TENM2: variants seen among roughly 807,000 people sequenced by gnomAD.
TENM2 encodes the protein teneurin-2.
TENM2 carries 52 observed loss-of-function variants against 245.2 expected under a neutral mutation model. The observed-to-expected ratio is 0.21, with a 90% CI of 0.17 to 0.27. The LOEUF (loss-of-function observed/expected upper bound fraction) is 0.27. TENM2 is among the 10% of genes least tolerant of loss of function. TENM2 has a pLI of 1.00. For missense variants in TENM2, 3,046 were observed against 3,666.8 expected (o/e 0.83, Z 4.37); for synonymous variants, 1,363 against 1,438.9 (o/e 0.95, Z 1.19).
At chr5:167,488,945 G>A (rs1293842731) in intron 2 of TENM2, among the ~76,000 whole-genome samples, 4 of 151,952 alleles carry the variant, frequency 2.6e-5, no homozygotes, top group Admixed American at 2.0e-4. Context: ...CTTGATTTGT[G>A]CCCTGTCTGC....
chr5:167,030,059 G>A, the TENM2 span, among the ~76,000 whole-genome samples: 1,102 of 152,256 alleles, frequency 7.2e-3, 6 homozygotes, highest in Middle Eastern at 0.02. Context: ...ATCCATGATC[G>A]TCAGGGGTCG....
chr5:167,278,030 A>G, the TENM2 span, among the ~76,000 whole-genome samples: 3 of 152,004 alleles, frequency 2.0e-5, no homozygotes, highest in Admixed American at 1.3e-4. Flanking sequence ...TTGGTGGAGC[A>G]TGGTGGCTCA....
chr5:167,920,248 T>C (rs1777248375), intron 3 of TENM2, among the ~76,000 whole-genome samples: 1 of 150,738 alleles, frequency 6.6e-6, no homozygotes, highest in Non-Finnish European at 1.5e-5. Flanking sequence ...TCCCAACACA[T>C]TGGGAGGCCG....
At chr5:167,130,894 T>A in the TENM2 span, among the ~76,000 whole-genome samples, 1 of 147,504 alleles carries the variant, frequency 6.8e-6, no homozygotes, top group Non-Finnish European at 1.5e-5. Context: ...AATGCTTTTT[T>A]TTTTTTTTTT....
chr5:167,507,195 A>G (rs887982167), intron 2 of TENM2, among the ~76,000 whole-genome samples: 1 of 152,220 alleles, frequency 6.6e-6, no homozygotes, highest in Admixed American at 6.5e-5. Context: ...TCAAGGAATC[A>G]AAAGAAAAAA....
At chr5:168,096,081 C>G (rs1793346490) in intron 8 of TENM2, among the ~76,000 whole-genome samples, 1 of 152,142 alleles carries the variant, frequency 6.6e-6, no homozygotes, top group Non-Finnish European at 1.5e-5. Context: ...ATTGTCTTTA[C>G]TATACTGGGT....
In TENM2 at chr5:167,347,188, G is replaced by A. The variant is rs190075256; in HGVS notation, c.227-28010G>A. On this transcript the variant is annotated intron_variant, in intron 1 of 28. Coordinates refer to ENST00000518659, the Ensembl canonical transcript of TENM2. Reference sequence around the variant, plus strand: ...TAAAAAGACCGAATCTTTTTTAATGGATAGTACGCATGCCTGCTCCTTTGC... The same window carrying A: ...TAAAAAGACCGAATCTTTTTTAATGAATAGTACGCATGCCTGCTCCTTTGC... 4.0e-3 allele frequency among the ~76,000 whole-genome samples: 607 copies of A among 151,754 alleles called. 1 individual carries two copies. The highest frequency in any genetic ancestry group is 7.3e-3 in the Non-Finnish European group (495 of 67,942).
At chr5:168,249,095 G>T (rs1423342429) in intron 27 of TENM2, among the ~76,000 whole-genome samples, 1 of 148,586 alleles carries the variant, frequency 6.7e-6, no homozygotes, top group African/African-American at 2.5e-5. Flanking sequence ...ACTCCACCTA[G>T]CCTAGGTGAC....
chr5:167,438,157 G>A (rs751248871), intron 2 of TENM2, among the ~76,000 whole-genome samples: 3 of 151,984 alleles, frequency 2.0e-5, no homozygotes, highest in Admixed American at 2.0e-4. Context: ...CCATCTTTCC[G>A]ACTTTAGTTT....
intron 12 of TENM2, among the ~76,000 whole-genome samples, chr5:168,155,892 T>TAAAAAAAAAAAAAAAAAAA (rs55977607): frequency 2.1e-5 from 2 of 96,930 alleles, no homozygotes; most frequent in African/African-American, 7.3e-5. Context: ...CTGGCATCTG[T>TAAAAAAAAAAAAAAAAAAA]AAAAAAAAAA....
At chr5:167,976,350 A>G (rs1223865502) in intron 4 of TENM2, among the ~76,000 whole-genome samples, 1 of 152,162 alleles carries the variant, frequency 6.6e-6, no homozygotes, top group African/African-American at 2.4e-5. Flanking sequence ...AGAAGGGTAT[A>G]TATATATAAA....
At chr5:167,816,888 A>G (rs1767101144) in intron 2 of TENM2, among the ~76,000 whole-genome samples, 1 of 152,180 alleles carries the variant, frequency 6.6e-6, no homozygotes, top group African/African-American at 2.4e-5. Flanking sequence ...ATTAGTATGT[A>G]CCATGGAAGT....
intron 2 of TENM2, among the ~76,000 whole-genome samples, chr5:167,608,469 G>A (rs1456335795): frequency 6.6e-6 from 1 of 152,190 alleles, no homozygotes; most frequent in Non-Finnish European, 1.5e-5. Flanking sequence ...CTTGGTTGGC[G>A]CAAAGATGAC....
intron 2 of TENM2, among the ~76,000 whole-genome samples, chr5:167,525,660 C>G (rs1771062445): frequency 6.6e-6 from 1 of 152,148 alleles, no homozygotes; most frequent in Non-Finnish European, 1.5e-5. Context: ...TCTTCCATTT[C>G]TATGTGTTCC....
At chr5:168,226,336 G>C in intron 24 of TENM2, 73 bp downstream of exon 26, 1 of 1,430,180 alleles carries the variant, frequency 7.0e-7, no homozygotes, top group Non-Finnish European at 9.6e-7. Flanking sequence ...CCCAACATGT[G>C]AGTTATGCAG....
Position 167,285,186 on chromosome 5 carries a change from C to T in TENM2, c.226+123C>T. The T allele has an allele frequency of 4.3e-6, 3 of 695,186 alleles. No individual in the cohort carries two copies. In the South Asian group the frequency reaches 5.4e-5, roughly 12 times the overall value. The allele number at this position is 695,186 out of a possible 1,614,324, so 43.1% of individuals were successfully genotyped here. On this transcript the variant is annotated intron_variant, in intron 1 of 28. Coordinates refer to ENST00000518659, the Ensembl canonical transcript of TENM2. ...TGACAGATGTACCCTACAGCAGACC[C>T]TTGGTTCCATAAAGGACATTCCTAA...
intron 5 of TENM2, among the ~76,000 whole-genome samples, chr5:168,038,565 AGAACAGTGGTT>A: frequency 6.6e-6 from 1 of 152,338 alleles, no homozygotes; most frequent in East Asian, 1.9e-4. Context: ...TAGAGGGCTT[AGAACAGTGGTT>A]GACACTGAGT....
intron 2 of TENM2, among the ~76,000 whole-genome samples, chr5:167,499,864 GTA>G (rs1769060997): frequency 6.8e-6 from 1 of 146,110 alleles, no homozygotes; most frequent in Non-Finnish European, 1.5e-5. Context: ...GTGTGCATGT[GTA>G]TGTGAGGGTA....
intron 3 of TENM2, among the ~76,000 whole-genome samples, chr5:167,900,543 A>G (rs185339474): frequency 6.6e-6 from 1 of 152,292 alleles, no homozygotes; most frequent in Non-Finnish European, 1.5e-5. Context: ...AAGGTTTTTA[A>G]AACATCATTT....
Sources: gnomAD v4.1 joint callset for allele counts (sites outside exome capture counted in the v4.1 genomes callset) on GRCh38, gnomAD v4.1.1 for gene constraint, MANE v1.5 for transcripts, NCBI Gene and HGNC (gene_info 2026-07-23, HGNC 2026-07-21) for gene names.